Variants in SLC39A12 observed in about 807,000 individuals in gnomAD.
The protein encoded by SLC39A12 is solute carrier family 39 member 12.
Under a neutral mutation model 71.1 loss-of-function variants are expected in SLC39A12, and 63 were observed. The ratio of observed to expected loss-of-function variants is 0.89; its 90% confidence interval spans 0.72 to 1.09. The LOEUF (loss-of-function observed/expected upper bound fraction) is 1.09. SLC39A12 is among the 50% of genes least tolerant of loss of function. The pLI, the probability that SLC39A12 is intolerant of heterozygous loss-of-function variation, is 0.00. For synonymous variants in SLC39A12, 351 were observed against 301.3 expected, an observed-to-expected ratio of 1.16 and a Z score of -1.71; for missense variants, 892 against 812.6, an observed-to-expected ratio of 1.10 and a Z score of -1.19.
chr10:17,992,106 A>C (rs1835567471), intron 8 of SLC39A12, among the ~76,000 whole-genome samples: 1 of 151,536 alleles, frequency 6.6e-6, no homozygotes, highest in Admixed American at 6.6e-5. Context: ...AAAAAAAAAA[A>C]AAACAAAAGA....
chr10:17,987,405 T>C (rs1053883684), intron 6 of SLC39A12, 74 bp from the exon 7 acceptor site: 8 of 1,404,172 alleles, frequency 5.7e-6, no homozygotes, highest in African/African-American at 5.7e-5. Context: ...CCAATTCTTC[T>C]GGCATTTTCG....
intron 11 of SLC39A12, among the ~76,000 whole-genome samples, chr10:18,001,303 A>G (rs879689424): frequency 1.3e-5 from 2 of 152,098 alleles, no homozygotes; most frequent in Non-Finnish European, 2.9e-5. Flanking sequence ...TCACCTGAGG[A>G]CAGGAGTTCA....
At chr10:18,022,879 G>A (rs1297151736) in intron 12 of SLC39A12, among the ~76,000 whole-genome samples, 3 of 152,276 alleles carry the variant, frequency 2.0e-5, no homozygotes, top group African/African-American at 7.2e-5. Flanking sequence ...CTAGTCCCTG[G>A]TTTCACAGAG....
At chr10:17,957,222 A>G (rs1004413656) in intron 2 of SLC39A12, among the ~76,000 whole-genome samples, 2 of 152,150 alleles carry the variant, frequency 1.3e-5, no homozygotes, top group Non-Finnish European at 2.9e-5. Context: ...GTTTTTTGTC[A>G]GCTGAGGCTC....
intron 6 of SLC39A12, 105 bp from the exon 7 acceptor site, chr10:17,987,374 C>A: frequency 1.0e-6 from 1 of 956,558 alleles, no homozygotes; most frequent in Non-Finnish European, 1.6e-6. Context: ...ATCCATATCC[C>A]TACTGGCTGT....
chr10:18,027,281 A>G (rs1836704348), intron 12 of SLC39A12, among the ~76,000 whole-genome samples: 1 of 152,222 alleles, frequency 6.6e-6, no homozygotes, highest in African/African-American at 2.4e-5. Context: ...GCATGGCTAG[A>G]AAGAGCTGAA....
intron 8 of SLC39A12, among the ~76,000 whole-genome samples, chr10:17,991,775 A>T (rs911042453): frequency 1.3e-5 from 2 of 152,166 alleles, no homozygotes; most frequent in Non-Finnish European, 2.9e-5. Flanking sequence ...TTCTTTTATT[A>T]TACCAGTAGC....
intron 12 of SLC39A12, among the ~76,000 whole-genome samples, chr10:18,028,226 C>A (rs1223733222): frequency 6.6e-6 from 1 of 152,196 alleles, no homozygotes; most frequent in Non-Finnish European, 1.5e-5. Flanking sequence ...TAGGAGACGT[C>A]TCTAAATGTC....
intron 12 of SLC39A12, among the ~76,000 whole-genome samples, chr10:18,008,159 G>A (rs548720749): frequency 3.6e-4 from 55 of 152,296 alleles, no homozygotes; most frequent in African/African-American, 1.3e-3. Context: ...GAACGAGGCC[G>A]CACAGTAGGA....
intron 7 of SLC39A12, 116 bp from the exon 8 acceptor site, chr10:17,991,035 A>T (rs1196955745): frequency 9.3e-7 from 1 of 1,069,792 alleles, no homozygotes; most frequent in African/African-American, 1.6e-5. Context: ...TTGTCACGGC[A>T]TTTCCCAGAA....
intron 12 of SLC39A12, among the ~76,000 whole-genome samples, chr10:18,022,665 A>C (rs144845076): frequency 9.6e-4 from 146 of 152,242 alleles, no homozygotes; most frequent in Admixed American, 3.5e-3. Context: ...AACATCCATT[A>C]CTGGGGAGCT....
chr10:18,039,274 T>C (rs577088694), intron 12 of SLC39A12, among the ~76,000 whole-genome samples: 1 of 152,088 alleles, frequency 6.6e-6, no homozygotes, highest in African/African-American at 2.4e-5. Context: ...ATTTGGAAAT[T>C]AGAGTAATCA....
chr10:18,001,344 G>A (rs142119999), intron 11 of SLC39A12, among the ~76,000 whole-genome samples: 44 of 152,164 alleles, frequency 2.9e-4, no homozygotes, highest in African/African-American at 8.9e-4. Flanking sequence ...GTAAAACCCC[G>A]TCTCTATTAA....
chr10:17,979,536 A>T (rs748340929), intron 5 of SLC39A12, among the ~76,000 whole-genome samples: 1 of 152,166 alleles, frequency 6.6e-6, no homozygotes, highest in Non-Finnish European at 1.5e-5. Context: ...ATTTTTGTCA[A>T]TATTGTTGAT....
intron 12 of SLC39A12, among the ~76,000 whole-genome samples, chr10:18,011,463 G>C (rs564403625): frequency 6.6e-6 from 1 of 152,284 alleles, no homozygotes; most frequent in African/African-American, 2.4e-5. Context: ...ATAATACACA[G>C]AGCATATAAA....
At chr10:18,001,205 A>G (rs1835824981) in intron 11 of SLC39A12, among the ~76,000 whole-genome samples, 2 of 152,198 alleles carry the variant, frequency 1.3e-5, no homozygotes, top group African/African-American at 4.8e-5. Flanking sequence ...ATGGGCCAGT[A>G]AGATAAAATA....
At chr10:18,004,605 C>T (rs1406346938) in intron 12 of SLC39A12, among the ~76,000 whole-genome samples, 1 of 152,160 alleles carries the variant, frequency 6.6e-6, no homozygotes, top group Admixed American at 6.5e-5. Context: ...GAGATGCATG[C>T]AGATGAGGTA....
At chr10:18,020,715 G>A (rs1836510451) in intron 12 of SLC39A12, among the ~76,000 whole-genome samples, 1 of 152,092 alleles carries the variant, frequency 6.6e-6, no homozygotes, top group Non-Finnish European at 1.5e-5. Context: ...TTTCCCTAAT[G>A]ATTAGTGATA....
chr10:17,994,121 C>T (rs1359395397), intron 9 of SLC39A12, among the ~76,000 whole-genome samples: 1 of 152,114 alleles, frequency 6.6e-6, no homozygotes, highest in African/African-American at 2.4e-5. Context: ...ATTGCTTAGA[C>T]ATTCTAAATG....
Sources: allele counts gnomAD v4.1 joint callset (sites outside exome capture counted in the v4.1 genomes callset), GRCh38; gene constraint gnomAD v4.1.1; transcripts MANE v1.5; gene names NCBI Gene and HGNC (gene_info 2026-07-23, HGNC 2026-07-21).